LRMDA: variants seen among roughly 807,000 people sequenced by gnomAD.
The protein encoded by LRMDA is leucine rich melanocyte differentiation associated.
In LRMDA, 18 loss-of-function variants were observed where a neutral mutation model predicts 29.8. The ratio of observed to expected loss-of-function variants is 0.60; its 90% confidence interval spans 0.42 to 0.90. The LOEUF is 0.90. Ranked by LOEUF, LRMDA falls within the 40% of genes least tolerant of loss-of-function variation. The probability of loss-of-function intolerance (pLI) is 0.00; values close to 1 mark genes in which losing one functional copy is unlikely to be tolerated. For synonymous variants in LRMDA, 125 were observed against 109.4 expected (o/e 1.14, Z -0.89); for missense variants, 273 against 273.9 (o/e 1.00, Z 0.02).
At chr10:75,855,164 A>T (rs1844803491) in intron 2 of LRMDA, among the ~76,000 whole-genome samples, 1 of 152,130 alleles carries the variant, frequency 6.6e-6, no homozygotes, top group Admixed American at 6.5e-5. Context: ...CAAGGGTTGG[A>T]CTAGTTTACA....
Position 75,512,173 on chromosome 10 carries a change from C to T in LRMDA, c.131+73679C>T, listed in dbSNP as rs11816370. Among the ~76,000 whole-genome samples the T allele has an allele frequency of 3.6e-4, 55 of 152,244 alleles. 1 individual carries two copies. The highest frequency in any genetic ancestry group is 3.4e-3 in the Middle Eastern group (1 of 294). On this transcript the variant is annotated intron_variant, in intron 2 of 6. Transcript: ENST00000611255. ...AAAAACAGGCAAAGCCAAGGTTGAA[C>T]GGGTCCTCAGAGCTATGACTTCCAC...
chr10:75,812,835 C>T (rs1471891710), intron 2 of LRMDA, among the ~76,000 whole-genome samples: 19 of 152,176 alleles, frequency 1.2e-4, no homozygotes, highest in Non-Finnish European at 1.2e-4. Context: ...TACATCTTGA[C>T]CCTGCACCTC....
chr10:75,905,029 C>T (rs1390547104), intron 2 of LRMDA, among the ~76,000 whole-genome samples: 2 of 152,162 alleles, frequency 1.3e-5, no homozygotes, highest in African/African-American at 4.8e-5. Context: ...ACTCTATCTG[C>T]AGCGTGCATC....
intron 5 of LRMDA, among the ~76,000 whole-genome samples, chr10:76,146,793 C>T (rs1366582861): frequency 6.6e-6 from 1 of 152,164 alleles, no homozygotes; most frequent in Non-Finnish European, 1.5e-5. Flanking sequence ...ATAGTCTTTA[C>T]AATTTGGCAT....
chr10:75,919,788 T>A (rs1278789583), intron 2 of LRMDA, among the ~76,000 whole-genome samples: 1 of 152,206 alleles, frequency 6.6e-6, no homozygotes, highest in African/African-American at 2.4e-5. Flanking sequence ...CTCCCTGGGA[T>A]GTGCCACCTG....
At chr10:76,454,161 T>C (rs192972356) in intron 6 of LRMDA, among the ~76,000 whole-genome samples, 1 of 152,300 alleles carries the variant, frequency 6.6e-6, no homozygotes, top group Non-Finnish European at 1.5e-5. Context: ...AGAACAACAT[T>C]CATTTTGAAT....
intron 2 of LRMDA, among the ~76,000 whole-genome samples, chr10:75,613,834 A>G (rs926304676): frequency 1.3e-5 from 2 of 152,212 alleles, no homozygotes; most frequent in Non-Finnish European, 2.9e-5. Flanking sequence ...ATAGCGACTC[A>G]TAAATAAATG....
intron 4 of LRMDA, among the ~76,000 whole-genome samples, chr10:76,052,373 G>A (rs898815643): frequency 3.9e-5 from 6 of 152,126 alleles, no homozygotes; most frequent in Admixed American, 3.3e-4. Context: ...TTCGCAGACC[G>A]TGGAGGCCCA....
intron 2 of LRMDA, among the ~76,000 whole-genome samples, chr10:75,851,339 A>G (rs1323084): frequency 0.99 from 151,537 of 152,332 alleles, 75,371 homozygotes; most frequent in Middle Eastern, 1. Flanking sequence ...AAGGTAACTC[A>G]GTGTTTACTG....
intron 6 of LRMDA, among the ~76,000 whole-genome samples, chr10:76,348,007 G>A (rs1205890071): frequency 6.6e-6 from 1 of 152,112 alleles, no homozygotes; most frequent in Non-Finnish European, 1.5e-5. Context: ...AGTACTAGGA[G>A]GTGTGGTACA....
At chr10:76,248,096 TAGTCC>T (rs1852408374) in intron 5 of LRMDA, among the ~76,000 whole-genome samples, 1 of 152,142 alleles carries the variant, frequency 6.6e-6, no homozygotes. Context: ...CTTACCCCAA[TAGTCC>T]AGGACAGTGG....
At chr10:76,100,450 T>C (rs1012216612) in intron 5 of LRMDA, among the ~76,000 whole-genome samples, 1 of 152,196 alleles carries the variant, frequency 6.6e-6, no homozygotes, top group African/African-American at 2.4e-5. Flanking sequence ...TGACACAAGC[T>C]TCCCGTGGCT....
At chr10:76,288,525 A>T (rs1840300796) in intron 5 of LRMDA, among the ~76,000 whole-genome samples, 1 of 152,150 alleles carries the variant, frequency 6.6e-6, no homozygotes, top group Non-Finnish European at 1.5e-5. Context: ...AAATTGACAA[A>T]TGGGATATAA....
chr10:75,538,907 T>A (rs1044987856), intron 2 of LRMDA, among the ~76,000 whole-genome samples: 5 of 152,154 alleles, frequency 3.3e-5, no homozygotes, highest in Admixed American at 1.3e-4. Context: ...GAATGCCAAA[T>A]TTTCTGTCTT....
chr10:76,413,439 A>G (rs2132511075), intron 6 of LRMDA, among the ~76,000 whole-genome samples: 1 of 152,336 alleles, frequency 6.6e-6, no homozygotes, highest in African/African-American at 2.4e-5. Flanking sequence ...GCAGCAAGCA[A>G]GAAAGAATGA....
At chr10:76,289,946 G>C (rs780998913) in intron 5 of LRMDA, among the ~76,000 whole-genome samples, 3 of 152,152 alleles carry the variant, frequency 2.0e-5, no homozygotes. Context: ...AGAATTTTGA[G>C]GGGGAGCATT....
intron 2 of LRMDA, among the ~76,000 whole-genome samples, chr10:75,839,543 CT>C (rs59061406): frequency 0.043 from 6,076 of 140,108 alleles, 238 homozygotes; most frequent in African/African-American, 0.11. Context: ...TTTATTTTTC[CT>C]TTTTTTTTTT....
intron 6 of LRMDA, among the ~76,000 whole-genome samples, chr10:76,423,459 A>T (rs1842090542): frequency 6.6e-6 from 1 of 152,164 alleles, no homozygotes; most frequent in South Asian, 2.1e-4. Flanking sequence ...ACATAAATTC[A>T]TTTAACTTAC....
chr10:75,899,716 G>T (rs887451089), intron 2 of LRMDA, among the ~76,000 whole-genome samples: 1 of 152,168 alleles, frequency 6.6e-6, no homozygotes, highest in African/African-American at 2.4e-5. Flanking sequence ...TCCATTCATG[G>T]CTTTGGTACA....
Sources: gnomAD v4.1 joint callset for allele counts (sites outside exome capture counted in the v4.1 genomes callset) on GRCh38, gnomAD v4.1.1 for gene constraint, MANE v1.5 for transcripts, NCBI Gene and HGNC (gene_info 2026-07-23, HGNC 2026-07-21) for gene names.